HARS1: variants seen among roughly 807,000 people sequenced by gnomAD.
The protein encoded by HARS1 is histidine--tRNA ligase, cytoplasmic.
In HARS1, 45 loss-of-function variants were observed where a neutral mutation model predicts 63.6. That is an observed-to-expected ratio of 0.71 (90% CI 0.56 to 0.91). The LOEUF (loss-of-function observed/expected upper bound fraction) is 0.91, where lower values mean the gene tolerates loss of function less well. Among genes scored for constraint, HARS1 ranks in the 40% least tolerant of loss-of-function variants. The pLI, the probability that HARS1 is intolerant of heterozygous loss-of-function variation, is 0.00. For missense variants in HARS1, 508 were observed against 643.2 expected (o/e 0.79, Z 2.27); for synonymous variants, 205 against 247.1 (o/e 0.83, Z 1.60).
chr5:140,677,677 G>T lies in HARS1; in HGVS notation c.707C>A (p.Ser236Tyr). Residue 236 changes from serine (S) to tyrosine (Y), a missense_variant, in exon 7 of 13, where the codon TCC (serine) becomes TAC (tyrosine). Around this residue, in one of 2 missense-constraint regions of HARS1, gnomAD observed 403 missense variants for 548.7 expected, o/e 0.73. Transcript: ENST00000504156. ...TACCTTGTCCAGCTTGTCTACTGAG[G>T]AGCAGATGGTACGGAACTTGCTGTC... ...VSDSKFRTIC[S>Y]SVDKLDKVSW... 1 of 1,610,244 alleles carries T rather than the reference G, an allele frequency of 6.2e-7. No homozygotes were observed. Among genetic ancestry groups the T allele is most frequent in the Non-Finnish European group, 8.5e-7 (1 of 1,177,432 alleles).
At chr5:140,684,264 TG>T in intron 2 of HARS1, 1 of 747,400 alleles carries the variant, frequency 1.3e-6, no homozygotes, top group Non-Finnish European at 1.6e-6. Context: ...CACTCCAGCC[TG>T]GGAGACAGAG....
intron 2 of HARS1, among the ~76,000 whole-genome samples, chr5:140,686,073 A>G (rs973308778): frequency 3.3e-5 from 5 of 149,620 alleles, no homozygotes; most frequent in Non-Finnish European, 5.9e-5. Context: ...GGGACTACAT[A>G]CAGGCGCGTG....
intron 3 of HARS1, among the ~76,000 whole-genome samples, chr5:140,680,878 A>G (rs1472715724): frequency 1.3e-5 from 2 of 151,452 alleles, no homozygotes; most frequent in Non-Finnish European, 2.9e-5. Flanking sequence ...TCAATATCTA[A>G]TATTTAGGTA....
At position 140,679,029 on chromosome 5, in the gene HARS1, A is replaced by C. The variant is rs1050251; in HGVS notation, c.495T>G (p.Arg165=). The change falls in exon 5 of 13, where the codon CGT becomes CGG. Residue 165 remains arginine, a synonymous_variant. Coordinates refer to ENST00000504156, the MANE Select transcript of HARS1 (RefSeq NM_002109.6). This position sits in a 1 kb window ranked among gnomAD's most constrained non-coding sequence, Gnocchi z 4.3. The stretch of plus-strand genomic sequence containing the variant: ...ACTGGTAGAATTCCCGGTATCGGCC[A>C]CGGGTCATGGCTGGGTTATCCCGCC... ...VYRRDNPAMT[R]GRYREFYQCD... 1 of 1,614,096 alleles carries C rather than the reference A, an allele frequency of 6.2e-7. No individual in the cohort carries two copies. Among genetic ancestry groups the C allele is most frequent in the African/African-American group, 1.3e-5 (1 of 75,044 alleles).
At position 140,674,293 on chromosome 5, in the gene HARS1, G is replaced by C. The variant is rs1358994620; in HGVS notation, c.1494C>G (p.Ile498Met). Residue 498 changes from isoleucine to methionine, a missense_variant, in exon 13 of 13, where the codon ATC becomes ATG. Physicochemically the swap from Ile to Met is conservative, Grantham distance 10. Transcript: ENST00000504156. ...DVRREDLVEE[I>M]KRRTGQPLCI... is the part of the protein sequence containing the mutation. ...AGAGGGGCTGGCCTGTTCTCCTTTT[G>C]ATTTCCTCCACAAGGTCTTCTCTTC... 5 of 1,612,524 alleles carry C rather than the reference G, an allele frequency of 3.1e-6. No individual in the cohort carries two copies. The highest frequency in any genetic ancestry group is 4.2e-6 in the Non-Finnish European group (5 of 1,178,656).
At chr5:140,677,845 C>T (rs1051727076) in intron 6 of HARS1, 63 bp downstream of exon 6, 2 of 1,396,548 alleles carry the variant, frequency 1.4e-6, no homozygotes, top group Non-Finnish European at 2.0e-6. Context: ...TCCCTCTGCA[C>T]AAGGATCTTC....
chr5:140,676,970 C>T lies in HARS1; in HGVS notation c.951+19G>A, dbSNP rs73271581. ...AAGCCCCAGAGCTCAGAAGGGATCC[C>T]GTCCCCAACTTGACTCACTTTGTCA... On this transcript the variant is annotated intron_variant, in intron 9 of 12. Coordinates refer to ENST00000504156, the MANE Select transcript of HARS1 (RefSeq NM_002109.6). This position sits in a 1 kb window ranked among gnomAD's most constrained non-coding sequence, Gnocchi z 4.1. The T allele has an allele frequency of 5.3e-3, 8,511 of 1,614,186 alleles. 357 individuals carry two copies. The African/African-American group carries it at 0.095, about 18-fold the overall frequency.
In HARS1 at chr5:140,679,291, C is replaced by T. The variant is rs1012904942; in HGVS notation, c.397-164G>A. On this transcript the variant is annotated intron_variant, in intron 4 of 12. Transcript: ENST00000504156. The surrounding 1 kb of genome is among the most constrained non-coding windows in gnomAD (Gnocchi z 4.3). The stretch of plus-strand genomic sequence containing the variant: ...TCAGAAAGCATCAGCTGTGCTACCA[C>T]ATGAGGTAGCTGAAGGCTCAAAAAA... 4.7e-6 allele frequency: 3 copies of T among 637,566 alleles called. No individual in the cohort carries two copies. The highest frequency in any genetic ancestry group is 8.1e-6 in the Non-Finnish European group (3 of 369,402). 39.5% of individuals were successfully genotyped at this position (637,566 alleles called of 1,614,324 possible).
In HARS1 at chr5:140,690,851, T is replaced by C; in HGVS notation, c.180+4A>G. ...TCAGTGGCTCCCTACAGGAATGATA[T>C]TACCTTGGGGGTTTTGAGCACAAAT... On this transcript the variant is annotated splice_donor_region_variant and intron_variant, in intron 2 of 12. Coordinates refer to ENST00000504156, the MANE Select transcript of HARS1 (RefSeq NM_002109.6). The C allele has an allele frequency of 6.5e-7, 1 of 1,528,586 alleles. No individual in the cohort carries two copies. The highest frequency in any genetic ancestry group is 9.1e-7 in the Non-Finnish European group (1 of 1,101,712). The allele number at this position is 1,528,586 out of a possible 1,614,324, so 94.7% of individuals were successfully genotyped here. A position where few individuals can be genotyped will look rare whatever the true frequency, so the allele number is the denominator to read the frequency against.
rs762548737 is a variant in HARS1 at position 140,677,163 on chromosome 5, G to GT, written c.824-48dup. The GT allele has an allele frequency of 5.0e-6, 8 of 1,609,198 alleles. No homozygotes were observed. In the African/African-American group the frequency reaches 1.1e-4, roughly 22 times the overall value. ...TGAGGCTGACAAGGAAACAAAAAAG[G>GT]TAAGGAGGGTTGACCTTCTTGCCTG... On this transcript the variant is annotated intron_variant, in intron 8 of 12. Coordinates refer to ENST00000504156, the MANE Select transcript of HARS1 (RefSeq NM_002109.6).
At chr5:140,691,123 T>C (rs1203289448) in intron 1 of HARS1, 92 bp downstream of exon 1, 12 of 1,068,314 alleles carry the variant, frequency 1.1e-5, no homozygotes, top group Non-Finnish European at 1.5e-5. Context: ...ACTGGTCGCT[T>C]CCCTCACATC....
In HARS1 at chr5:140,676,549, G is replaced by T; in HGVS notation, c.1194+105C>A. ...GCAATAATCTTTTCTCCATTTCTGT[G>T]AGATGCTCCCTGCCCAAAGCAGCAC... On this transcript the variant is annotated intron_variant, in intron 10 of 12. Coordinates refer to ENST00000504156, the MANE Select transcript of HARS1 (RefSeq NM_002109.6). The surrounding 1 kb of genome is among the most constrained non-coding windows in gnomAD (Gnocchi z 4.1). 1 of 1,181,642 alleles carries T rather than the reference G, an allele frequency of 8.5e-7. No homozygotes were observed. Among genetic ancestry groups the T allele is most frequent in the Non-Finnish European group, 1.2e-6 (1 of 823,684 alleles). The allele number at this position is 1,181,642 out of a possible 1,614,324, so 73.2% of individuals were successfully genotyped here.
At position 140,678,006 on chromosome 5, in the gene HARS1, T is replaced by C. The variant is rs774329929; in HGVS notation, c.532A>G (p.Ile178Val). Residue 178 changes from isoleucine to valine, a missense_variant, in exon 6 of 13, where the codon ATT becomes GTT. Ile to Val is a conservative substitution (Grantham distance 29). This residue lies in a region of HARS1 where 403 missense variants were observed against 548.7 expected (regional missense o/e 0.73). Transcript: ENST00000504156. ...YREFYQCDFD[I>V]AGNFDPMIPD... The stretch of plus-strand genomic sequence containing the variant: ...ATCATGGGATCAAAGTTCCCAGCAA[T>C]GTCAAAATCCTGCAGGGAGAGGGTT... 1.9e-6 allele frequency: 3 copies of C among 1,593,928 alleles called. No individual in the cohort carries two copies. The Admixed American group carries it at 5.0e-5, about 27-fold the overall frequency.
chr5:140,673,973 CG>C lies in HARS1; in HGVS notation c.*283del. ...GGGGAGGCATCTGCTCCAACTGGTG[CG>C]GGGCCCTGCAGATGGGACCATCTCA... On this transcript the variant is annotated 3_prime_UTR_variant, in exon 13 of 13. Coordinates refer to ENST00000504156, the MANE Select transcript of HARS1 (RefSeq NM_002109.6). The C allele has an allele frequency of 1.7e-6, 1 of 572,930 alleles. No individual in the cohort carries two copies. Among genetic ancestry groups the C allele is most frequent in the Admixed American group, 3.0e-5 (1 of 33,004 alleles). 35.5% of individuals were successfully genotyped at this position (572,930 alleles called of 1,614,324 possible). A position where few individuals can be genotyped will look rare whatever the true frequency, so the allele number is the denominator to read the frequency against.
At chr5:140,685,399 C>T (rs1758967675) in intron 2 of HARS1, 1 of 152,054 alleles carries the variant, frequency 6.6e-6, no homozygotes, top group Non-Finnish European at 1.5e-5. Context: ...TATGAATGTA[C>T]TTCATGTTAC....
At chr5:140,677,794 C>A in intron 6 of HARS1, 41 bp from the exon 7 acceptor site, 1 of 1,424,214 alleles carries the variant, frequency 7.0e-7, no homozygotes, top group Middle Eastern at 1.7e-4. Flanking sequence ...AATCTCTTTT[C>A]TTACATGACC....
chr5:140,689,160 G>T lies in HARS1; in HGVS notation c.180+1695C>A, dbSNP rs187729939. ...AGCTCAATGAATTTAGGATCCCAAA[G>T]AATTAACCTTAACACAAGGAAAACA... On this transcript the variant is annotated intron_variant, in intron 2 of 12. Coordinates refer to ENST00000504156, the MANE Select transcript of HARS1 (RefSeq NM_002109.6). Among the ~76,000 whole-genome samples the T allele has an allele frequency of 1.4e-3, 208 of 152,226 alleles. 1 individual carries two copies. Among genetic ancestry groups the T allele is most frequent in the Middle Eastern group, 6.8e-3 (2 of 294 alleles).
Position 140,674,705 on chromosome 5 carries a change from G to A in HARS1, c.1432C>T (p.Leu478Phe). 4 of 1,614,206 alleles carry A rather than the reference G, an allele frequency of 2.5e-6. No homozygotes were observed. The highest frequency in any genetic ancestry group is 3.4e-6 in the Non-Finnish European group (4 of 1,180,016). The change falls in exon 12 of 13, where the codon CTC (leucine) becomes TTC (phenylalanine). Residue 478 changes from leucine to phenylalanine, a missense_variant. By Grantham distance (22) the Leu-to-Phe change is conservative. Around this residue, in one of 2 missense-constraint regions of HARS1, gnomAD observed 403 missense variants for 548.7 expected, o/e 0.73. Coordinates refer to ENST00000504156, the MANE Select transcript of HARS1 (RefSeq NM_002109.6). ...TCTTCCCTGCTCGTCACTGAACGGA[G>A]CTTGATGACCCCATCCTTGAGTTCC... ...EQELKDGVIK[L>F]RSVTSREEVD... is the part of the protein sequence containing the mutation.
intron 3 of HARS1, 167 bp downstream of exon 3, chr5:140,682,933 G>A: frequency 1.7e-6 from 1 of 580,322 alleles, no homozygotes; most frequent in Non-Finnish European, 3.0e-6. Flanking sequence ...TAAAAGACAG[G>A]GCCTCTCCCT....
Sources: gnomAD v4.1 joint callset for allele counts (sites outside exome capture counted in the v4.1 genomes callset) on GRCh38, gnomAD v4.1.1 for gene constraint, gnomAD v4.1.1 regional missense constraint, Gnocchi (gnomAD v3.1) non-coding constraint, MANE v1.5 for transcripts, NCBI Gene and HGNC (gene_info 2026-07-23, HGNC 2026-07-21) for gene names.